The following XIRP2 variants were observed in gnomAD, a reference collection of about 807,000 sequenced individuals.
XIRP2 encodes xin actin-binding repeat-containing protein 2.
In XIRP2, 236 loss-of-function variants were observed where a neutral mutation model predicts 277.0. The observed-to-expected ratio is 0.85, with a 90% CI of 0.77 to 0.95. XIRP2 has a LOEUF of 0.95. Among genes scored for constraint, XIRP2 ranks in the 40% least tolerant of loss-of-function variants. The pLI is 0.00. For missense variants in XIRP2, 4,640 were observed against 4,157.5 expected (o/e 1.12, Z -3.19); for synonymous variants, 1,490 against 1,416.5 (o/e 1.05, Z -1.17).
At chr2:167,193,371 A>G (rs1337106847) in intron 3 of XIRP2, among the ~76,000 whole-genome samples, 3 of 152,128 alleles carry the variant, frequency 2.0e-5, no homozygotes, top group Non-Finnish European at 4.4e-5. Flanking sequence ...ATCCTCATAT[A>G]TACACCAATG....
chr2:166,907,296 C>T lies in XIRP2; in HGVS notation c.408+3406C>T, dbSNP rs74442918. On this transcript the variant is annotated intron_variant, in intron 2 of 10. Coordinates refer to ENST00000409195, the MANE Select transcript of XIRP2 (RefSeq NM_152381.6). ...AAAAATTTGTTGCAAAATTACAGGT[C>T]TTTGAGAGAATGTCACATCCATTTG... Among the ~76,000 whole-genome samples, 226 of 152,238 alleles carry T rather than the reference C, an allele frequency of 1.5e-3. 8 individuals are homozygous for T. The East Asian group carries it at 0.04, about 27-fold the overall frequency.
intron 3 of XIRP2, among the ~76,000 whole-genome samples, chr2:167,183,512 A>G (rs1242707189): frequency 1.3e-5 from 2 of 152,162 alleles, no homozygotes; most frequent in African/African-American, 4.8e-5. Flanking sequence ...GTATTTTGCT[A>G]TTTACAATCT....
chr2:167,036,520 C>T (rs1688511258), intron 2 of XIRP2, among the ~76,000 whole-genome samples: 1 of 152,140 alleles, frequency 6.6e-6, no homozygotes, highest in Admixed American at 6.5e-5. Flanking sequence ...TTACCCAATA[C>T]CTGTACCCCC....
At chr2:167,161,315 G>A (rs1265406928) in intron 3 of XIRP2, among the ~76,000 whole-genome samples, 1 of 152,254 alleles carries the variant, frequency 6.6e-6, no homozygotes, top group African/African-American at 2.4e-5. Flanking sequence ...TAGGGGCTCT[G>A]TGTGGGTGCT....
At chr2:167,025,699 C>T (rs1688132012) in intron 2 of XIRP2, among the ~76,000 whole-genome samples, 1 of 152,214 alleles carries the variant, frequency 6.6e-6, no homozygotes, top group South Asian at 2.1e-4. Context: ...TGTCTGCCTT[C>T]ATTTCGTTAT....
chr2:166,952,240 C>T (rs1190457266), intron 2 of XIRP2, among the ~76,000 whole-genome samples: 10 of 152,032 alleles, frequency 6.6e-5, no homozygotes, highest in South Asian at 4.1e-4. Flanking sequence ...TACATTCGTC[C>T]GGTGGATGAG....
In XIRP2 at chr2:167,099,486, C is replaced by T. The variant is rs539234193; in HGVS notation, c.409-36423C>T. Among the ~76,000 whole-genome samples, 3 of 152,252 alleles carry T rather than the reference C, an allele frequency of 2.0e-5. No homozygotes were observed. In the East Asian group the frequency reaches 5.8e-4, roughly 29 times the overall value. ...TCAACTGAGCAAGACCACCTGGCTC[C>T]CTGGCTTCAGCCCCCTTTCCAGGAG... On this transcript the variant is annotated intron_variant, in intron 2 of 10. Coordinates refer to ENST00000409195, the MANE Select transcript of XIRP2 (RefSeq NM_152381.6).
chr2:167,097,346 A>T (rs1324883651), intron 2 of XIRP2, among the ~76,000 whole-genome samples: 2 of 151,038 alleles, frequency 1.3e-5, no homozygotes, highest in Non-Finnish European at 2.9e-5. Flanking sequence ...AGTCTGTTTT[A>T]TCAGAGACTA....
At chr2:166,896,286 A>G (rs1371813730) in intron 1 of XIRP2, among the ~76,000 whole-genome samples, 1 of 152,268 alleles carries the variant, frequency 6.6e-6, no homozygotes, top group South Asian at 2.1e-4. Context: ...ACAGCCTCAG[A>G]CAGGGTCTTC....
At chr2:167,180,479 G>A (rs1559010009) in intron 3 of XIRP2, among the ~76,000 whole-genome samples, 2 of 152,000 alleles carry the variant, frequency 1.3e-5, no homozygotes, top group Non-Finnish European at 2.9e-5. Context: ...TCTGTATCAA[G>A]TGCCATTTTA....
At chr2:166,938,088 G>A (rs1685571777) in intron 2 of XIRP2, among the ~76,000 whole-genome samples, 1 of 151,908 alleles carries the variant, frequency 6.6e-6, no homozygotes, top group African/African-American at 2.4e-5. Flanking sequence ...TTGTGTCTCT[G>A]TCTCCTTCAG....
chr2:166,918,851 G>A (rs1420591669), intron 2 of XIRP2, among the ~76,000 whole-genome samples: 1 of 152,136 alleles, frequency 6.6e-6, no homozygotes, highest in African/African-American at 2.4e-5. Flanking sequence ...GTGTTCCCCT[G>A]TCTGGTCTCC....
intron 3 of XIRP2, among the ~76,000 whole-genome samples, chr2:167,137,473 T>C (rs1456783006): frequency 6.6e-6 from 1 of 152,174 alleles, no homozygotes; most frequent in African/African-American, 2.4e-5. Flanking sequence ...GATGCTTGCC[T>C]GTGGAGAGCT....
At chr2:167,225,395 G>T (rs1183357559) in intron 5 of XIRP2, among the ~76,000 whole-genome samples, 1 of 152,110 alleles carries the variant, frequency 6.6e-6, no homozygotes, top group East Asian at 1.9e-4. Flanking sequence ...GTATGGAAGG[G>T]AAAGAAAAGG....
At position 167,258,192 on chromosome 2, in the gene XIRP2, C is replaced by T. The variant is rs1695718712; in HGVS notation, c.*375C>T. 5 of 1,613,040 alleles carry T rather than the reference C, an allele frequency of 3.1e-6. No homozygotes were observed. Among genetic ancestry groups the T allele is most frequent in the East Asian group, 2.2e-5 (1 of 44,816 alleles). Reference sequence around the variant, plus strand: ...CCTTCCAAGGAGATCCCTAAGAAAACCTTACCCTTTGAGGAAGAGCTCAAA... The same window carrying T: ...CCTTCCAAGGAGATCCCTAAGAAAATCTTACCCTTTGAGGAAGAGCTCAAA... On this transcript the variant is annotated 3_prime_UTR_variant, in exon 11 of 11. Coordinates refer to ENST00000409195, the MANE Select transcript of XIRP2 (RefSeq NM_152381.6).
chr2:167,160,734 A>G (rs1692338935), intron 3 of XIRP2, among the ~76,000 whole-genome samples: 1 of 152,132 alleles, frequency 6.6e-6, no homozygotes, highest in Admixed American at 6.5e-5. Flanking sequence ...GACAAACCAT[A>G]TCATTCCATC....
Position 167,110,017 on chromosome 2 carries a change from GTTGT to G in XIRP2, c.409-25888_409-25885del, listed in dbSNP as rs1574263246. Among the ~76,000 whole-genome samples, 4 of 151,854 alleles carry G rather than the reference GTTGT, an allele frequency of 2.6e-5. No homozygotes were observed. The East Asian group carries it at 5.8e-4, about 22-fold the overall frequency. On this transcript the variant is annotated intron_variant, in intron 2 of 10. Transcript: ENST00000409195. Reference sequence around the variant, plus strand: ...ATGTCCTTTGCCCACTTCTTCAGGGGTTGTTTGATTTTTACTTGTAAATTTGTTT... The same window carrying G: ...ATGTCCTTTGCCCACTTCTTCAGGGGTTGATTTTTACTTGTAAATTTGTTT...
intron 3 of XIRP2, among the ~76,000 whole-genome samples, chr2:167,154,615 T>A (rs575731575): frequency 6.6e-6 from 1 of 152,142 alleles, no homozygotes; most frequent in African/African-American, 2.4e-5. Flanking sequence ...CAGTTTCAGC[T>A]TTCTACATAT....
In XIRP2 at chr2:167,246,113, C is replaced by T; in HGVS notation, c.4721C>T (p.Ala1574Val). ...VIQAPGIIIE[A>V]DEIGDVRMAK... is the part of the protein sequence containing the mutation. ...CAGGCTCCTGGAATCATCATTGAAG[C>T]TGATGAAATAGGGGATGTTCGAATG... Residue 1574 changes from alanine (A) to valine (V), a missense_variant, in exon 9 of 11, where the codon GCT becomes GTT. By Grantham distance (64) the Ala-to-Val change is moderately conservative. Transcript: ENST00000409195. 6.2e-7 allele frequency: 1 copy of T among 1,613,536 alleles called. No individual in the cohort carries two copies. The highest frequency in any genetic ancestry group is 8.5e-7 in the Non-Finnish European group (1 of 1,179,738).
Sources: allele counts gnomAD v4.1 joint callset (sites outside exome capture counted in the v4.1 genomes callset), GRCh38; gene constraint gnomAD v4.1.1; transcripts MANE v1.5; gene names NCBI Gene and HGNC (gene_info 2026-07-23, HGNC 2026-07-21).